Variants in TMEM132B observed in about 807,000 individuals in gnomAD.
TMEM132B encodes transmembrane protein 132B.
In TMEM132B, 18 loss-of-function variants were observed where a neutral mutation model predicts 90.8. The observed-to-expected ratio is 0.20, with a 90% CI of 0.14 to 0.29. The LOEUF is 0.29. TMEM132B is among the 10% of genes least tolerant of loss of function. TMEM132B has a pLI of 1.00. For missense variants in TMEM132B, 1,096 were observed against 1,326.8 expected, an observed-to-expected ratio of 0.83 and a Z score of 2.70; for synonymous variants, 504 against 523.3, an observed-to-expected ratio of 0.96 and a Z score of 0.50.
chr12:125,321,652 G>A (rs326390), intron 1 of TMEM132B, among the ~76,000 whole-genome samples: 109,603 of 151,740 alleles, frequency 0.72, 40,397 homozygotes, highest in African/African-American at 0.85. Flanking sequence ...AATTTTTTGT[G>A]TTTTTAGTAG....
chr12:125,245,973 T>C (rs1874199180), intron 1 of TMEM132B, among the ~76,000 whole-genome samples: 1 of 152,198 alleles, frequency 6.6e-6, no homozygotes, highest in Non-Finnish European at 1.5e-5. Flanking sequence ...TGCAGCCAGA[T>C]GCAGGCTGGG....
chr12:125,358,939 A>G (rs1230338933), intron 2 of TMEM132B, among the ~76,000 whole-genome samples: 1 of 152,250 alleles, frequency 6.6e-6, no homozygotes, highest in Non-Finnish European at 1.5e-5. Flanking sequence ...ATATTGTAGA[A>G]GAATCTTGGC....
chr12:125,456,568 G>A (rs1038844428), intron 3 of TMEM132B, among the ~76,000 whole-genome samples: 1 of 152,196 alleles, frequency 6.6e-6, no homozygotes, highest in Non-Finnish European at 1.5e-5. Context: ...CAGCCCTAAA[G>A]GGAAGAGGGA....
chr12:125,464,255 G>A (rs1312580182), intron 3 of TMEM132B, among the ~76,000 whole-genome samples: 1 of 152,202 alleles, frequency 6.6e-6, no homozygotes, highest in Non-Finnish European at 1.5e-5. Context: ...TTGGGCAGCT[G>A]TGGGACAAGA....
chr12:125,516,723 C>G (rs905593847), intron 3 of TMEM132B, among the ~76,000 whole-genome samples: 1 of 152,192 alleles, frequency 6.6e-6, no homozygotes, highest in Non-Finnish European at 1.5e-5. Flanking sequence ...GCTCATTTCT[C>G]CTCTCACTGG....
chr12:125,462,142 A>G (rs929644366), intron 3 of TMEM132B, among the ~76,000 whole-genome samples: 3 of 152,200 alleles, frequency 2.0e-5, no homozygotes, highest in African/African-American at 7.2e-5. Context: ...GCCAAAGGAA[A>G]TGTGGTGTAC....
At chr12:125,295,544 C>CAGAGAG (rs1555237247) in intron 1 of TMEM132B, among the ~76,000 whole-genome samples, 2 of 83,352 alleles carry the variant, frequency 2.4e-5, no homozygotes, top group Non-Finnish European at 5.1e-5. Context: ...GAGAGAGAGA[C>CAGAGAG]AGAGACAGAG....
At chr12:125,253,713 C>T (rs916256474) in intron 1 of TMEM132B, among the ~76,000 whole-genome samples, 7 of 152,238 alleles carry the variant, frequency 4.6e-5, no homozygotes, top group Non-Finnish European at 7.4e-5. Flanking sequence ...GGATTACAGG[C>T]GTGAACCACG....
At position 125,635,110 on chromosome 12, in the gene TMEM132B, G is replaced by A. The variant is rs117112269; in HGVS notation, c.1438-8966G>A. ...AATTCAAGTTTGGACTGCTGGGATT[G>A]GAGATTCCTCTCTGCCTAGGGCTGG... is the stretch of plus-strand genomic sequence containing the variant. On this transcript the variant is annotated intron_variant, in intron 5 of 8. Coordinates refer to ENST00000682704, the MANE Select transcript of TMEM132B (RefSeq NM_001366854.1). Among the ~76,000 whole-genome samples the A allele has an allele frequency of 4.2e-3, 647 of 152,270 alleles. 1 individual carries two copies. Among genetic ancestry groups the A allele is most frequent in the South Asian group, 7.5e-3 (36 of 4,816 alleles).
At chr12:125,487,370 G>A (rs1882230379) in intron 3 of TMEM132B, among the ~76,000 whole-genome samples, 1 of 152,092 alleles carries the variant, frequency 6.6e-6, no homozygotes, top group Non-Finnish European at 1.5e-5. Context: ...ACTAGTTAGG[G>A]TAATTAATGT....
chr12:125,339,742 G>A (rs1013039443), intron 1 of TMEM132B, among the ~76,000 whole-genome samples: 4 of 152,062 alleles, frequency 2.6e-5, no homozygotes, highest in African/African-American at 4.8e-5. Flanking sequence ...CGCTGAGAAC[G>A]CAGTGCAAGA....
intron 2 of TMEM132B, among the ~76,000 whole-genome samples, chr12:125,392,045 G>A (rs7304635): frequency 0.13 from 19,585 of 152,220 alleles, 1,453 homozygotes; most frequent in South Asian, 0.19. Flanking sequence ...GGGATTACAG[G>A]CATCAGCCAC....
chr12:125,358,117 C>T (rs1031885596), intron 2 of TMEM132B, among the ~76,000 whole-genome samples: 6 of 152,032 alleles, frequency 3.9e-5, no homozygotes, highest in African/African-American at 1.4e-4. Flanking sequence ...CACCCATGCT[C>T]CCATCCCTAA....
At chr12:125,562,437 A>C (rs959692383) in intron 4 of TMEM132B, among the ~76,000 whole-genome samples, 2 of 152,218 alleles carry the variant, frequency 1.3e-5, no homozygotes, top group African/African-American at 4.8e-5. Flanking sequence ...CTTGGCATTC[A>C]CAACTTGGCT....
chr12:125,396,681 A>G (rs1317424512), intron 2 of TMEM132B, among the ~76,000 whole-genome samples: 1 of 151,780 alleles, frequency 6.6e-6, no homozygotes, highest in East Asian at 2.0e-4. Context: ...TAATTTTCAT[A>G]CTTTTTCTGG....
At chr12:125,260,903 G>A (rs1244337676) in intron 1 of TMEM132B, among the ~76,000 whole-genome samples, 1 of 147,214 alleles carries the variant, frequency 6.8e-6, no homozygotes, top group Non-Finnish European at 1.5e-5. Flanking sequence ...GCGTCAGAGC[G>A]AGACCCTGTC....
intron 2 of TMEM132B, among the ~76,000 whole-genome samples, chr12:125,355,502 G>A (rs1233520329): frequency 1.3e-5 from 2 of 152,184 alleles, no homozygotes; most frequent in African/African-American, 4.8e-5. Flanking sequence ...ACTATTCTAG[G>A]CTGATTGTTG....
intron 5 of TMEM132B, among the ~76,000 whole-genome samples, chr12:125,626,536 C>T (rs748232130): frequency 9.9e-5 from 15 of 151,966 alleles, no homozygotes; most frequent in African/African-American, 1.5e-4. Flanking sequence ...ATTATTTCAC[C>T]TTCATTTTTG....
At chr12:125,446,461 T>A (rs1881007997) in intron 3 of TMEM132B, among the ~76,000 whole-genome samples, 1 of 152,324 alleles carries the variant, frequency 6.6e-6, no homozygotes, top group African/African-American at 2.4e-5. Flanking sequence ...GTAACCAGGA[T>A]TAGGCATAAC....
Sources: allele counts gnomAD v4.1 joint callset (sites outside exome capture counted in the v4.1 genomes callset), GRCh38; gene constraint gnomAD v4.1.1; transcripts MANE v1.5; gene names NCBI Gene and HGNC (gene_info 2026-07-23, HGNC 2026-07-21).